EYS: variants seen among roughly 807,000 people sequenced by gnomAD.
EYS encodes protein eyes shut homolog.
In EYS, 250 loss-of-function variants were observed where a neutral mutation model predicts 282.1. That is an observed-to-expected ratio of 0.89 (90% CI 0.80 to 0.98). EYS has a LOEUF of 0.98. Ranked by LOEUF, EYS falls within the 50% of genes least tolerant of loss-of-function variation. The pLI, the probability that EYS is intolerant of heterozygous loss-of-function variation, is 0.00. For missense variants in EYS, 4,016 were observed against 3,709.0 expected, an observed-to-expected ratio of 1.08 and a Z score of -2.15; for synonymous variants, 1,355 against 1,282.9, an observed-to-expected ratio of 1.06 and a Z score of -1.20.
At chr6:64,581,469 A>G (rs918232079) in intron 26 of EYS, among the ~76,000 whole-genome samples, 20 of 152,142 alleles carry the variant, frequency 1.3e-4, no homozygotes, top group Non-Finnish European at 2.8e-4. Context: ...TTATCTAATC[A>G]TTTTATGGTA....
chr6:64,011,095 T>C (rs1426658240), intron 33 of EYS, among the ~76,000 whole-genome samples: 2 of 152,184 alleles, frequency 1.3e-5, no homozygotes, highest in Non-Finnish European at 2.9e-5. Flanking sequence ...TAAGCTTTTC[T>C]ATTTCTAGAT....
chr6:64,138,102 T>A (rs1016101999), intron 31 of EYS, among the ~76,000 whole-genome samples: 1 of 152,066 alleles, frequency 6.6e-6, no homozygotes, highest in East Asian at 1.9e-4. Context: ...CGAGTGTCGA[T>A]TGGATTGACC....
intron 31 of EYS, among the ~76,000 whole-genome samples, chr6:64,147,493 C>T (rs1294662020): frequency 6.6e-6 from 1 of 152,172 alleles, no homozygotes; most frequent in Non-Finnish European, 1.5e-5. Context: ...TAATTCCTTA[C>T]TCCATGCCAG....
At chr6:63,864,679 G>T (rs1441530010) in intron 35 of EYS, among the ~76,000 whole-genome samples, 1 of 152,072 alleles carries the variant, frequency 6.6e-6, no homozygotes, top group South Asian at 2.1e-4. Context: ...AATATGTGTG[G>T]TGCTGCCTTA....
chr6:64,912,420 A>C, intron 16 of EYS, 64 bp downstream of exon 16: 1 of 1,456,848 alleles, frequency 6.9e-7, no homozygotes, highest in Non-Finnish European at 9.4e-7. Context: ...TCCCATAGGC[A>C]CAATAAATAC....
intron 2 of EYS, among the ~76,000 whole-genome samples, chr6:65,615,043 G>A (rs533304989): frequency 1.3e-5 from 2 of 152,200 alleles, no homozygotes; most frequent in East Asian, 3.9e-4. Flanking sequence ...AAACTTTCTA[G>A]AACATACCAA....
intron 12 of EYS, among the ~76,000 whole-genome samples, chr6:65,226,221 C>T (rs1274869531): frequency 1.3e-5 from 2 of 151,746 alleles, no homozygotes; most frequent in African/African-American, 4.8e-5. Context: ...TATATACCAG[C>T]CATAAACAAA....
intron 2 of EYS, among the ~76,000 whole-genome samples, chr6:65,573,512 GA>G (rs1764552008): frequency 6.6e-6 from 1 of 152,054 alleles, no homozygotes; most frequent in South Asian, 2.1e-4. Flanking sequence ...GTCACCTCAG[GA>G]AAGAAACTTC....
At chr6:65,176,006 C>T (rs1329727618) in intron 12 of EYS, among the ~76,000 whole-genome samples, 2 of 151,430 alleles carry the variant, frequency 1.3e-5, no homozygotes, top group Non-Finnish European at 3.0e-5. Flanking sequence ...ATATGTAATA[C>T]ATTGTGGAAT....
At chr6:64,288,482 C>A (rs1459262915) in intron 30 of EYS, among the ~76,000 whole-genome samples, 1 of 152,014 alleles carries the variant, frequency 6.6e-6, no homozygotes, top group Non-Finnish European at 1.5e-5. Context: ...TGAGCAAATT[C>A]TTTTTCTTTC....
chr6:65,687,686 T>C (rs1018325295), intron 1 of EYS, among the ~76,000 whole-genome samples: 9 of 152,080 alleles, frequency 5.9e-5, no homozygotes, highest in African/African-American at 2.2e-4. Context: ...GAAAACCCCA[T>C]CGTCTCAGCC....
chr6:64,011,179 T>G (rs981895454), intron 33 of EYS, among the ~76,000 whole-genome samples: 2 of 152,192 alleles, frequency 1.3e-5, no homozygotes, highest in East Asian at 3.8e-4. Flanking sequence ...TCTAAAGATA[T>G]GTTTGTCTTG....
intron 22 of EYS, among the ~76,000 whole-genome samples, chr6:64,692,232 A>G (rs1349463087): frequency 1.3e-5 from 2 of 152,104 alleles, no homozygotes; most frequent in African/African-American, 2.4e-5. Context: ...TTTGATTTGC[A>G]TTTCTCTGAT....
chr6:63,788,870 A>G (rs954036051), intron 38 of EYS, among the ~76,000 whole-genome samples, 188 bp downstream of exon 38: 2 of 152,190 alleles, frequency 1.3e-5, no homozygotes, highest in Non-Finnish European at 2.9e-5. Flanking sequence ...TATCTGTGTT[A>G]GTAATCCCTC....
intron 19 of EYS, among the ~76,000 whole-genome samples, chr6:64,845,888 C>G (rs1765700126): frequency 6.6e-6 from 1 of 152,044 alleles, no homozygotes; most frequent in Non-Finnish European, 1.5e-5. Context: ...ATTTCTAATA[C>G]TTTTATAAGT....
Position 64,077,513 on chromosome 6 carries a change from T to G in EYS, c.6571+4343A>C, listed in dbSNP as rs139758549. ...CACTAGCATGTCAATTACTCTTATC[T>G]AAGATTGGTCCTTCTTTTGCTTCCT... On this transcript the variant is annotated intron_variant, in intron 32 of 42. Coordinates refer to ENST00000503581, the MANE Select transcript of EYS (RefSeq NM_001142800.2). Among the ~76,000 whole-genome samples the G allele has an allele frequency of 7.3e-3, 1,104 of 152,134 alleles. 23 individuals are homozygous for G. Among genetic ancestry groups the G allele is most frequent in the African/African-American group, 0.024 (1,015 of 41,532 alleles).
chr6:64,569,773 C>G (rs1464910163), intron 26 of EYS, among the ~76,000 whole-genome samples: 15 of 151,964 alleles, frequency 9.9e-5, no homozygotes, highest in Non-Finnish European at 5.9e-5. Context: ...ACAGACAAAG[C>G]CTCCAAGAAA....
At chr6:63,915,269 C>A (rs1011526468) in intron 35 of EYS, among the ~76,000 whole-genome samples, 4 of 152,142 alleles carry the variant, frequency 2.6e-5, no homozygotes, top group Non-Finnish European at 5.9e-5. Flanking sequence ...TAAAGCCATT[C>A]TGCTTGTGCT....
At chr6:64,145,535 A>C (rs74343337) in intron 31 of EYS, among the ~76,000 whole-genome samples, 8,345 of 152,230 alleles carry the variant, frequency 0.055, 758 homozygotes, top group African/African-American at 0.19. Context: ...TCACACCCAT[A>C]TATGAAAAAT....
Sources: gnomAD v4.1 joint callset for allele counts (sites outside exome capture counted in the v4.1 genomes callset) on GRCh38, gnomAD v4.1.1 for gene constraint, MANE v1.5 for transcripts, NCBI Gene and HGNC (gene_info 2026-07-23, HGNC 2026-07-21) for gene names.